Variants in NAALADL2 observed in about 807,000 individuals in gnomAD.
NAALADL2 encodes the protein inactive N-acetylated-alpha-linked acidic dipeptidase-like protein 2.
NAALADL2 carries 76 observed loss-of-function variants against 87.2 expected under a neutral mutation model. That is an observed-to-expected ratio of 0.87 (90% confidence interval 0.72 to 1.05). The LOEUF is 1.05. Among genes scored for constraint, NAALADL2 ranks in the 50% least tolerant of loss-of-function variants. The probability of loss-of-function intolerance (pLI) is 0.00; values close to 1 mark genes in which losing one functional copy is unlikely to be tolerated. For missense variants in NAALADL2, 1,089 were observed against 945.8 expected, an observed-to-expected ratio of 1.15 and a Z score of -1.99; for synonymous variants, 354 against 331.0, an observed-to-expected ratio of 1.07 and a Z score of -0.75.
rs1206721520 is a variant in NAALADL2, at chr3:175,361,966, G to T, written c.1090+37641G>T. On this transcript the variant is annotated intron_variant, in intron 5 of 13. Transcript: ENST00000454872. Reference sequence around the variant, plus strand: ...CCATGCCTATGTCCTGAATGGTATTGCCTAGGTTTTCTTCTAGGGTTTTTA... The same window carrying T: ...CCATGCCTATGTCCTGAATGGTATTTCCTAGGTTTTCTTCTAGGGTTTTTA... 4.7e-5 allele frequency among the ~76,000 whole-genome samples: 7 copies of T among 147,932 alleles called. 1 individual carries two copies. The highest frequency in any genetic ancestry group is 1.1e-4 in the Non-Finnish European group (7 of 66,578).
At chr3:175,069,863 G>GA (rs1715279133) in intron 1 of NAALADL2, among the ~76,000 whole-genome samples, 1 of 148,260 alleles carries the variant, frequency 6.7e-6, no homozygotes, top group Non-Finnish European at 1.5e-5. Flanking sequence ...TCCTTTGTAG[G>GA]GACATGGATG....
At chr3:175,773,504 G>A (rs933601669) in intron 13 of NAALADL2, 1 of 152,146 alleles carries the variant, frequency 6.6e-6, no homozygotes, top group Middle Eastern at 3.4e-3. Context: ...CCTTCCAAGT[G>A]CTATTTAAGG....
At chr3:175,410,663 A>T (rs1278656178) in intron 5 of NAALADL2, among the ~76,000 whole-genome samples, 1 of 152,188 alleles carries the variant, frequency 6.6e-6, no homozygotes, top group African/African-American at 2.4e-5. Flanking sequence ...TTTACATGAT[A>T]CAGTAAGCAC....
intron 2 of NAALADL2, among the ~76,000 whole-genome samples, chr3:175,195,308 C>T (rs1738814352): frequency 6.6e-6 from 1 of 151,638 alleles, no homozygotes; most frequent in South Asian, 2.1e-4. Flanking sequence ...CACTTACACT[C>T]TAGTGGAAGA....
At chr3:174,999,759 C>T (rs1312526298) in intron 1 of NAALADL2, among the ~76,000 whole-genome samples, 2 of 152,116 alleles carry the variant, frequency 1.3e-5, no homozygotes, top group Non-Finnish European at 2.9e-5. Context: ...ACTTTGGACA[C>T]AGACATTTTT....
intron 1 of NAALADL2, among the ~76,000 whole-genome samples, chr3:174,949,413 T>C (rs1282677665): frequency 6.6e-6 from 1 of 152,166 alleles, no homozygotes; most frequent in Non-Finnish European, 1.5e-5. Flanking sequence ...TTGTCCCTGA[T>C]ACCATCTCTT....
rs1395177650 is a variant in NAALADL2 at position 175,256,434 on chromosome 3, T to C, written c.843T>C (p.Tyr281=). ...TLKAEVIDVS[Y]GMADDLKRIR... Reference sequence around the variant, plus strand: ...AGGCTGAAGTCATCGATGTGAGTTATGGAATGGCAGATGATTTAAAAAGGA... The same window carrying C: ...AGGCTGAAGTCATCGATGTGAGTTACGGAATGGCAGATGATTTAAAAAGGA... Residue 281 remains tyrosine (Y), a synonymous_variant, in exon 4 of 14, where the codon TAT becomes TAC. Coordinates refer to ENST00000454872, the MANE Select transcript of NAALADL2 (RefSeq NM_207015.3). The C allele has an allele frequency of 6.2e-7, 1 of 1,611,266 alleles. No homozygotes were observed. Among genetic ancestry groups the C allele is most frequent in the Non-Finnish European group, 8.5e-7 (1 of 1,178,648 alleles).
At chr3:175,345,734 T>A (rs555429189) in intron 5 of NAALADL2, among the ~76,000 whole-genome samples, 1 of 152,100 alleles carries the variant, frequency 6.6e-6, no homozygotes, top group Non-Finnish European at 1.5e-5. Context: ...ATGGCATTTA[T>A]GTAGCATGGA....
chr3:174,644,055 A>G (rs944712825), intron 2 of NAALADL2, among the ~76,000 whole-genome samples: 17 of 152,372 alleles, frequency 1.1e-4, no homozygotes, highest in African/African-American at 3.6e-4. Flanking sequence ...AGATCCACTC[A>G]TGTTAAAAAT....
At chr3:174,708,243 C>T (rs1342000231) in intron 2 of NAALADL2, among the ~76,000 whole-genome samples, 3 of 152,128 alleles carry the variant, frequency 2.0e-5, no homozygotes, top group African/African-American at 4.8e-5. Flanking sequence ...ATGGAAGAGA[C>T]AAAATGGGCA....
In NAALADL2 at chr3:174,502,865, C is replaced by G. The variant is rs150529796; in HGVS notation, c.-183-47704C>G. Among the ~76,000 whole-genome samples, 355 of 152,006 alleles carry G rather than the reference C, an allele frequency of 2.3e-3. 3 individuals carry two copies. Among genetic ancestry groups the G allele is most frequent in the African/African-American group, 8.3e-3 (342 of 41,440 alleles). ...CCAACATGGTGAAACCCCGTCTCTACTAAAAATATAAAAATTATCCAGGCG... is the reference window on the plus strand; with the variant it reads ...CCAACATGGTGAAACCCCGTCTCTAGTAAAAATATAAAAATTATCCAGGCG... On this transcript the variant is annotated intron_variant, in intron 1 of 3. Coordinates refer to the NAALADL2 transcript ENST00000434257.
At chr3:175,371,372 G>C (rs986970913) in intron 5 of NAALADL2, among the ~76,000 whole-genome samples, 4 of 151,910 alleles carry the variant, frequency 2.6e-5, no homozygotes, top group African/African-American at 9.7e-5. Context: ...GGTTCTCGCC[G>C]TTCTCCTGCC....
intron 3 of NAALADL2, among the ~76,000 whole-genome samples, chr3:174,820,163 T>G (rs1010022246): frequency 1.3e-5 from 2 of 152,164 alleles, no homozygotes; most frequent in African/African-American, 4.8e-5. Context: ...TCTGCCACAA[T>G]ACATAGATGT....
At chr3:175,775,614 T>C (rs749691558) in intron 13 of NAALADL2, among the ~76,000 whole-genome samples, 3 of 152,148 alleles carry the variant, frequency 2.0e-5, no homozygotes, top group Non-Finnish European at 2.9e-5. Flanking sequence ...CAAGTCTCAT[T>C]AGATGTTTCC....
intron 1 of NAALADL2, among the ~76,000 whole-genome samples, chr3:174,869,938 G>T (rs1230925117): frequency 6.8e-6 from 1 of 147,748 alleles, no homozygotes; most frequent in Non-Finnish European, 1.5e-5. Flanking sequence ...GGAGGTTCCA[G>T]TGGGCCGAGA....
chr3:174,573,162 C>G (rs936085791), intron 2 of NAALADL2, among the ~76,000 whole-genome samples: 3 of 152,160 alleles, frequency 2.0e-5, no homozygotes, highest in African/African-American at 7.2e-5. Context: ...TTTATACTCC[C>G]TTAACATGGC....
chr3:175,475,808 C>A (rs1725614797), intron 9 of NAALADL2, among the ~76,000 whole-genome samples: 2 of 152,224 alleles, frequency 1.3e-5, no homozygotes, highest in Middle Eastern at 3.4e-3. Flanking sequence ...ACCTTAAACA[C>A]CTGAGCTAAA....
intron 3 of NAALADL2, among the ~76,000 whole-genome samples, chr3:174,790,259 T>C (rs1717295362): frequency 6.6e-6 from 1 of 152,142 alleles, no homozygotes; most frequent in Non-Finnish European, 1.5e-5. Context: ...TACTAAAAAA[T>C]TGATAATTCC....
chr3:175,026,967 C>T (rs1752300621), intron 1 of NAALADL2, among the ~76,000 whole-genome samples: 1 of 152,134 alleles, frequency 6.6e-6, no homozygotes, highest in East Asian at 1.9e-4. Context: ...TATTGGGATA[C>T]TCTGTATATG....
Sources: allele counts gnomAD v4.1 joint callset (sites outside exome capture counted in the v4.1 genomes callset), GRCh38; gene constraint gnomAD v4.1.1; transcripts MANE v1.5; gene names NCBI Gene and HGNC (gene_info 2026-07-23, HGNC 2026-07-21).